Variants in TTLL11 observed in about 807,000 individuals in gnomAD.
TTLL11 encodes the protein tubulin polyglutamylase TTLL11.
A neutral mutation model predicts 51.7 loss-of-function variants in TTLL11; 42 were observed. The ratio of observed to expected loss-of-function variants is 0.81; its 90% confidence interval spans 0.64 to 1.05. The LOEUF (loss-of-function observed/expected upper bound fraction) is 1.05, where lower values mean the gene tolerates loss of function less well. Ranked by LOEUF, TTLL11 falls within the 50% of genes least tolerant of loss-of-function variation. The probability of loss-of-function intolerance (pLI) is 0.00; values close to 1 mark genes in which losing one functional copy is unlikely to be tolerated. For synonymous variants in TTLL11, 381 were observed against 383.5 expected (o/e 0.99, Z 0.08); for missense variants, 799 against 940.4 (o/e 0.85, Z 1.97).
intron 1 of TTLL11, among the ~76,000 whole-genome samples, chr9:122,057,579 A>C (rs1305913164): frequency 6.6e-6 from 1 of 152,080 alleles, no homozygotes; most frequent in Non-Finnish European, 1.5e-5. Context: ...CGCCTGCCTC[A>C]ACCTCCCAAA....
intron 6 of TTLL11, among the ~76,000 whole-genome samples, chr9:121,936,691 A>G (rs999146462): frequency 6.6e-6 from 1 of 152,216 alleles, no homozygotes; most frequent in Admixed American, 6.5e-5. Context: ...AAGCTTAACG[A>G]AAAAAGCTAA....
At chr9:122,072,373 G>T (rs1845752699) in intron 1 of TTLL11, among the ~76,000 whole-genome samples, 1 of 152,060 alleles carries the variant, frequency 6.6e-6, no homozygotes, top group Admixed American at 6.5e-5. Flanking sequence ...GCCAGGTGCG[G>T]TGGCTCACAC....
At chr9:121,916,936 C>G (rs1351404903) in intron 6 of TTLL11, among the ~76,000 whole-genome samples, 1 of 152,138 alleles carries the variant, frequency 6.6e-6, no homozygotes. Flanking sequence ...AAAGGCCCAT[C>G]CAAGACCCCG....
intron 4 of TTLL11, among the ~76,000 whole-genome samples, chr9:121,980,058 C>A (rs186662716): frequency 6.6e-6 from 1 of 151,728 alleles, no homozygotes; most frequent in Non-Finnish European, 1.5e-5. Context: ...CCCCTTGTAG[C>A]TTATGTTTTA....
At chr9:122,000,520 G>C (rs1272053694) in intron 3 of TTLL11, among the ~76,000 whole-genome samples, 1 of 141,644 alleles carries the variant, frequency 7.1e-6, no homozygotes, top group African/African-American at 2.6e-5. Flanking sequence ...AAAACAGCTT[G>C]CTGTCAAGAA....
chr9:121,934,925 T>C (rs1841141143), intron 6 of TTLL11, among the ~76,000 whole-genome samples: 1 of 152,192 alleles, frequency 6.6e-6, no homozygotes, highest in South Asian at 2.1e-4. Flanking sequence ...GAATAATGAC[T>C]ACTAGTCCAC....
intron 6 of TTLL11, among the ~76,000 whole-genome samples, chr9:121,925,018 A>G (rs751809419): frequency 9.2e-5 from 14 of 152,208 alleles, no homozygotes; most frequent in Non-Finnish European, 1.9e-4. Flanking sequence ...TCATCTTATT[A>G]TGAGAATTTC....
intron 3 of TTLL11, among the ~76,000 whole-genome samples, chr9:121,990,688 G>A (rs1843086927): frequency 6.6e-6 from 1 of 152,220 alleles, no homozygotes. Flanking sequence ...CTAGTGCACA[G>A]GAAATGTTTG....
At chr9:121,933,911 A>G (rs1017614006) in intron 6 of TTLL11, among the ~76,000 whole-genome samples, 3 of 152,078 alleles carry the variant, frequency 2.0e-5, no homozygotes, top group African/African-American at 7.2e-5. Flanking sequence ...ATGTCAATAA[A>G]CTTTTCATAC....
At position 121,997,039 on chromosome 9, in the gene TTLL11, T is replaced by G. The variant is rs189798265; in HGVS notation, c.694-7269A>C. Among the ~76,000 whole-genome samples the G allele has an allele frequency of 7.2e-4, 109 of 152,282 alleles. 2 individuals are homozygous for G. The East Asian group carries it at 0.021, about 29-fold the overall frequency. ...CACGGCTGCTCAAGGCAGCTGGTGC[T>G]TCTGCTCAGAAAACTTGAGGGGCAA... is the stretch of plus-strand genomic sequence containing the variant. On this transcript the variant is annotated intron_variant, in intron 3 of 8. Transcript: ENST00000321582.
chr9:121,956,660 T>C (rs888261563), intron 6 of TTLL11, among the ~76,000 whole-genome samples: 2 of 151,876 alleles, frequency 1.3e-5, no homozygotes, highest in South Asian at 4.1e-4. Flanking sequence ...GGTCTTCCGG[T>C]GGCCCGGGAC....
rs553855451 is a variant in TTLL11 at position 122,048,156 on chromosome 9, ATTATTTTTATTT to A, written c.463-8800_463-8789del. 2.7e-3 allele frequency among the ~76,000 whole-genome samples: 406 copies of A among 151,736 alleles called. 1 individual carries two copies. Among genetic ancestry groups the A allele is most frequent in the Middle Eastern group, 0.01 (3 of 294 alleles). ...AGCAGGACGAGAGACTTTTATTTTC[ATTATTTTTATTT>A]TTATTTTTATTTTTTCAGAGATGGG... On this transcript the variant is annotated intron_variant, in intron 1 of 8. Coordinates refer to ENST00000321582, the MANE Select transcript of TTLL11 (RefSeq NM_001139442.2).
intron 1 of TTLL11, among the ~76,000 whole-genome samples, 191 bp downstream of exon 1, chr9:122,092,496 T>A (rs1043687032): frequency 2.6e-4 from 40 of 152,044 alleles, no homozygotes; most frequent in African/African-American, 9.7e-4. Flanking sequence ...TGGGGGGCCC[T>A]CTTGGAGGAA....
intron 4 of TTLL11, among the ~76,000 whole-genome samples, chr9:121,982,180 C>A (rs183641419): frequency 6.6e-6 from 1 of 152,168 alleles, no homozygotes; most frequent in Admixed American, 6.5e-5. Flanking sequence ...CCAAAAATTG[C>A]CCCCAGATGA....
intron 1 of TTLL11, among the ~76,000 whole-genome samples, chr9:122,077,863 A>T (rs1470306210): frequency 6.6e-6 from 1 of 150,938 alleles, no homozygotes; most frequent in African/African-American, 2.4e-5. Context: ...GGGAGGAAGG[A>T]GGAAGGAAAG....
At chr9:122,071,563 C>T (rs889787470) in intron 1 of TTLL11, among the ~76,000 whole-genome samples, 7 of 152,164 alleles carry the variant, frequency 4.6e-5, no homozygotes, top group African/African-American at 1.4e-4. Flanking sequence ...AGAGGAGAGA[C>T]ACCAGCAAGC....
chr9:121,911,666 C>A (rs1840124417), intron 6 of TTLL11, among the ~76,000 whole-genome samples: 1 of 152,126 alleles, frequency 6.6e-6, no homozygotes, highest in South Asian at 2.1e-4. Flanking sequence ...AACCATCATT[C>A]TCAGCAAACT....
At chr9:122,017,948 T>C (rs1398021981) in intron 3 of TTLL11, among the ~76,000 whole-genome samples, 1 of 152,142 alleles carries the variant, frequency 6.6e-6, no homozygotes, top group Non-Finnish European at 1.5e-5. Context: ...CTATATTTGT[T>C]TATACACAGG....
chr9:122,054,428 A>G (rs184817962), intron 1 of TTLL11, among the ~76,000 whole-genome samples: 169 of 152,302 alleles, frequency 1.1e-3, no homozygotes, highest in Non-Finnish European at 2.0e-3. Context: ...TAATTATATT[A>G]TTAGGCAACA....
Sources: allele counts gnomAD v4.1 joint callset (sites outside exome capture counted in the v4.1 genomes callset), GRCh38; gene constraint gnomAD v4.1.1; transcripts MANE v1.5; gene names NCBI Gene and HGNC (gene_info 2026-07-23, HGNC 2026-07-21).